The following NGEF variants were observed in gnomAD, a reference collection of about 807,000 sequenced individuals.
NGEF encodes neuronal guanine nucleotide exchange factor.
A neutral mutation model predicts 80.9 loss-of-function variants in NGEF; 31 were observed. That is an observed-to-expected ratio of 0.38 (90% CI 0.29 to 0.52). The LOEUF (loss-of-function observed/expected upper bound fraction) is 0.52. Among genes scored for constraint, NGEF ranks in the 20% least tolerant of loss-of-function variants. The probability of loss-of-function intolerance (pLI) is 0.84; values close to 1 mark genes in which losing one functional copy is unlikely to be tolerated. For missense variants in NGEF, 709 were observed against 926.2 expected, an observed-to-expected ratio of 0.77 and a Z score of 3.04; for synonymous variants, 371 against 370.2, an observed-to-expected ratio of 1.00 and a Z score of -0.03.
chr2:232,886,622 T>A (rs889563662), intron 9 of NGEF, among the ~76,000 whole-genome samples: 21 of 151,600 alleles, frequency 1.4e-4, no homozygotes, highest in Middle Eastern at 3.4e-3. Flanking sequence ...CCTTCATTTT[T>A]AAAAAAAAAA....
At chr2:232,977,747 T>G in intron 1 of NGEF, among the ~76,000 whole-genome samples, 1 of 152,020 alleles carries the variant, frequency 6.6e-6, no homozygotes, top group Non-Finnish European at 1.5e-5. Context: ...CCAGAGGGCC[T>G]GGCAGGCCCC....
At chr2:232,915,751 C>T (rs930830278) in intron 5 of NGEF, among the ~76,000 whole-genome samples, 3 of 152,032 alleles carry the variant, frequency 2.0e-5, no homozygotes, top group Admixed American at 1.3e-4. Flanking sequence ...AGTGCAGTGG[C>T]GTGATCTTGG....
chr2:232,963,674 C>A (rs1379453002), intron 3 of NGEF, among the ~76,000 whole-genome samples: 1 of 151,906 alleles, frequency 6.6e-6, no homozygotes, highest in Non-Finnish European at 1.5e-5. Context: ...ATTAGCTGGG[C>A]GTGGTGGCAG....
chr2:232,960,948 T>C (rs1693938811), intron 3 of NGEF, among the ~76,000 whole-genome samples: 1 of 152,164 alleles, frequency 6.6e-6, no homozygotes, highest in African/African-American at 2.4e-5. Context: ...GCTTGACATA[T>C]GTAAGTTGGC....
chr2:233,010,137 T>A (rs942265886), intron 1 of NGEF, among the ~76,000 whole-genome samples: 2 of 152,086 alleles, frequency 1.3e-5, no homozygotes, highest in Non-Finnish European at 1.5e-5. Context: ...TGGTAATCCA[T>A]GCGCCTCAGC....
intron 5 of NGEF, among the ~76,000 whole-genome samples, chr2:232,895,125 C>T (rs904407487): frequency 6.6e-6 from 1 of 152,184 alleles, no homozygotes; most frequent in African/African-American, 2.4e-5. Context: ...CTAGGGAGCA[C>T]ACTACCCCTA....
intron 1 of NGEF, among the ~76,000 whole-genome samples, chr2:232,980,333 C>T (rs895743948): frequency 2.5e-4 from 38 of 152,044 alleles, no homozygotes; most frequent in African/African-American, 8.7e-4. Context: ...TCACCAGCTA[C>T]TGCAGGGGAG....
intron 1 of NGEF, among the ~76,000 whole-genome samples, chr2:232,995,790 G>T (rs1694828900): frequency 6.9e-6 from 1 of 144,788 alleles, no homozygotes; most frequent in Non-Finnish European, 1.5e-5. Flanking sequence ...ATATGTATAT[G>T]TATAATATAT....
rs570490276 is a variant in NGEF at position 232,905,717 on chromosome 2, C to T, written c.829-10801G>A. On this transcript the variant is annotated intron_variant, in intron 5 of 14. Coordinates refer to ENST00000264051, the MANE Select transcript of NGEF (RefSeq NM_019850.3). ...GTGAAGAGCATCTCCGCCCGGCCGC[C>T]CATCGTCTGAGATGTGGGGAGCGCC... is the stretch of plus-strand genomic sequence containing the variant. The T allele has an allele frequency of 5.0e-4, 200 of 400,950 alleles. 2 individuals are homozygous for T. The highest frequency in any genetic ancestry group is 3.9e-3 in the African/African-American group (181 of 46,066). 24.8% of individuals were successfully genotyped at this position (400,950 alleles called of 1,614,324 possible).
At chr2:232,972,675 A>T (rs1424890733) in intron 2 of NGEF, among the ~76,000 whole-genome samples, 1 of 150,384 alleles carries the variant, frequency 6.6e-6, no homozygotes, top group East Asian at 2.0e-4. Context: ...GCAAACTAGC[A>T]CAGCCACCGG....
In NGEF at chr2:232,944,755, ATATAT is replaced by A. The variant is rs796837203; in HGVS notation, c.384-17574_384-17570del. 1.2e-4 allele frequency among the ~76,000 whole-genome samples: 14 copies of A among 114,244 alleles called. 2 individuals carry two copies. In the East Asian group the frequency reaches 3.9e-3, roughly 32 times the overall value. 74.9% of individuals were successfully genotyped at this position (114,244 alleles called of 152,430 possible). A position where few individuals can be genotyped will look rare whatever the true frequency, so the allele number is the denominator to read the frequency against. On this transcript the variant is annotated intron_variant, in intron 3 of 14. Transcript: ENST00000264051. ...TATATATATATATATATATATATAT[ATATAT>A]ATCTTTTTGGAGATGGAGTCCTGCT...
chr2:232,952,634 G>A (rs921688514), intron 3 of NGEF, among the ~76,000 whole-genome samples: 4 of 152,024 alleles, frequency 2.6e-5, no homozygotes, highest in Admixed American at 2.6e-4. Context: ...TATTTTGGGG[G>A]TATCTATTTT....
chr2:232,973,901 T>C (rs373816789), intron 2 of NGEF, among the ~76,000 whole-genome samples: 2 of 152,194 alleles, frequency 1.3e-5, no homozygotes, highest in Admixed American at 6.5e-5. Context: ...ATGAAGTCTC[T>C]GGATTTAGCA....
chr2:232,915,100 CCA>C (rs1559207000), intron 5 of NGEF, among the ~76,000 whole-genome samples: 1 of 152,096 alleles, frequency 6.6e-6, no homozygotes, highest in African/African-American at 2.4e-5. Flanking sequence ...CTAAGTAACC[CCA>C]GACCCTCCTG....
intron 1 of NGEF, among the ~76,000 whole-genome samples, chr2:233,007,008 C>A (rs935093108): frequency 6.6e-6 from 1 of 152,156 alleles, no homozygotes; most frequent in Non-Finnish European, 1.5e-5. Context: ...CCTTTGGGGC[C>A]TGAGGCGGGC....
chr2:232,902,699 T>C (rs940335725), intron 5 of NGEF, among the ~76,000 whole-genome samples: 1 of 152,224 alleles, frequency 6.6e-6, no homozygotes, highest in Non-Finnish European at 1.5e-5. Context: ...AAGAGAAATG[T>C]TATGTTAAAA....
chr2:232,891,305 C>G, intron 8 of NGEF, 53 bp downstream of exon 8: 3 of 1,605,870 alleles, frequency 1.9e-6, no homozygotes, highest in Non-Finnish European at 2.6e-6. Flanking sequence ...CCGGGAATGA[C>G]CACAGCAAAG....
At position 232,879,512 on chromosome 2, in the gene NGEF, G is replaced by A. The variant is rs761037996; in HGVS notation, c.2110C>T (p.Leu704=). The A allele has an allele frequency of 2.1e-5, 33 of 1,600,700 alleles. 1 individual carries two copies. The South Asian group carries it at 3.4e-4, about 17-fold the overall frequency. ...QRSQNKDRRK[L]GSRNRQ ...GGTCATTGCCGATTCCGGCTGCCCA[G>A]CTTCCTGCGGTCCTTGTTCTGGCTG... The change falls in exon 15 of 15, where the codon CTG becomes TTG. Residue 704 remains leucine (L), a synonymous_variant. Coordinates refer to ENST00000264051, the MANE Select transcript of NGEF (RefSeq NM_019850.3).
At chr2:232,883,095 A>G (rs1335387562) in intron 12 of NGEF, among the ~76,000 whole-genome samples, 1 of 152,062 alleles carries the variant, frequency 6.6e-6, no homozygotes, top group Non-Finnish European at 1.5e-5. Flanking sequence ...ACACACGCAC[A>G]CACGTACACG....
Sources: allele counts gnomAD v4.1 joint callset (sites outside exome capture counted in the v4.1 genomes callset), GRCh38; gene constraint gnomAD v4.1.1; transcripts MANE v1.5; gene names NCBI Gene and HGNC (gene_info 2026-07-23, HGNC 2026-07-21).